The following MCC variants were observed in gnomAD, a reference collection of about 807,000 sequenced individuals.
MCC encodes MCC regulator of Wnt signaling pathway.
Under a neutral mutation model 116.2 loss-of-function variants are expected in MCC, and 90 were observed. The ratio of observed to expected loss-of-function variants is 0.77; its 90% CI spans 0.65 to 0.92. The LOEUF (loss-of-function observed/expected upper bound fraction) is 0.92, where lower values mean the gene tolerates loss of function less well. Among genes scored for constraint, MCC ranks in the 40% least tolerant of loss-of-function variants. MCC has a pLI of 0.00. For missense variants in MCC, 1,516 were observed against 1,312.2 expected, an observed-to-expected ratio of 1.16 and a Z score of -2.40; for synonymous variants, 578 against 510.5, an observed-to-expected ratio of 1.13 and a Z score of -1.78.
At chr5:113,421,601 ACAAGACCCTTTCGCT>A in intron 1 of MCC, among the ~76,000 whole-genome samples, 1 of 152,182 alleles carries the variant, frequency 6.6e-6, no homozygotes, top group Non-Finnish European at 1.5e-5. Flanking sequence ...GCTCACATTT[ACAAGACCCTTTCGCT>A]CATCTGGGTC....
chr5:113,402,083 C>T lies in MCC; in HGVS notation c.171-16871G>A, dbSNP rs1310248059. On this transcript the variant is annotated intron_variant, in intron 1 of 18. Coordinates refer to ENST00000408903, the MANE Select transcript of MCC (RefSeq NM_001085377.2). ...GCCGAGGCGGGTGGATCACGAGGTC[C>T]GGAGATCAAGACCACCCTGGCTAAC... Among the ~76,000 whole-genome samples the T allele has an allele frequency of 3.3e-5, 5 of 151,756 alleles. No homozygotes were observed. The South Asian group carries it at 8.4e-4, about 25-fold the overall frequency.
chr5:113,124,171 T>TA (rs1453978991), intron 5 of MCC, among the ~76,000 whole-genome samples: 2 of 152,206 alleles, frequency 1.3e-5, no homozygotes, highest in Admixed American at 6.5e-5. Flanking sequence ...AAATATGAAT[T>TA]AGAGAGTGGT....
intron 17 of MCC, among the ~76,000 whole-genome samples, chr5:113,033,778 A>T (rs909407074): frequency 6.6e-6 from 1 of 152,194 alleles, no homozygotes; most frequent in African/African-American, 2.4e-5. Flanking sequence ...GACTGTGACA[A>T]CTGAAGTCCC....
chr5:113,222,078 G>A (rs895531393), intron 3 of MCC, among the ~76,000 whole-genome samples: 9 of 152,180 alleles, frequency 5.9e-5, no homozygotes, highest in African/African-American at 2.2e-4. Flanking sequence ...GGTTGAGAAA[G>A]TTCCCTCTAT....
chr5:113,151,791 C>T (rs1759892282), intron 3 of MCC, among the ~76,000 whole-genome samples: 2 of 152,154 alleles, frequency 1.3e-5, no homozygotes, highest in South Asian at 4.1e-4. Flanking sequence ...AAATCAGAAC[C>T]ATATTAATTT....
chr5:113,175,152 A>G (rs963813509), intron 3 of MCC, among the ~76,000 whole-genome samples: 3 of 152,164 alleles, frequency 2.0e-5, no homozygotes, highest in African/African-American at 7.2e-5. Context: ...TTGTGCTTTG[A>G]AAGGAGAGGC....
rs539290835 is a variant in MCC at position 113,298,114 on chromosome 5, T to A, written c.627+42405A>T. On this transcript the variant is annotated intron_variant, in intron 3 of 18. Coordinates refer to ENST00000408903, the MANE Select transcript of MCC (RefSeq NM_001085377.2). ...AATAAAACCGTGAAATCAGGTAAAT[T>A]TGCCTAGGAAGAGAGGACAGTGAAA... 2.0e-5 allele frequency among the ~76,000 whole-genome samples: 3 copies of A among 152,290 alleles called. No individual in the cohort carries two copies. The East Asian group carries it at 5.8e-4, about 29-fold the overall frequency.
chr5:113,196,757 G>C (rs964067412), intron 3 of MCC, among the ~76,000 whole-genome samples: 1 of 152,190 alleles, frequency 6.6e-6, no homozygotes, highest in African/African-American at 2.4e-5. Flanking sequence ...GCTGAGGCAG[G>C]AGAATCGCTT....
intron 1 of MCC, among the ~76,000 whole-genome samples, chr5:113,463,923 G>A (rs1376892593): frequency 2.6e-5 from 4 of 152,156 alleles, no homozygotes; most frequent in Non-Finnish European, 4.4e-5. Context: ...GCCTGCAAAG[G>A]AGATAGAAAG....
At chr5:113,113,054 G>A (rs769846756) in intron 6 of MCC, among the ~76,000 whole-genome samples, 5 of 152,196 alleles carry the variant, frequency 3.3e-5, no homozygotes, top group Admixed American at 2.6e-4. Context: ...GTGGGCTATA[G>A]CAGGACTGGC....
intron 15 of MCC, among the ~76,000 whole-genome samples, chr5:113,052,367 A>G (rs1280285970): frequency 6.7e-6 from 1 of 148,636 alleles, no homozygotes. Context: ...ATAAGCAATG[A>G]GAGGTGGAAT....
chr5:113,043,601 C>G lies in MCC; in HGVS notation c.2685G>C (p.Leu895=), dbSNP rs1751874619. The change falls in exon 17 of 19, where the codon CTG becomes CTC. Residue 895 remains leucine, a synonymous_variant. Transcript: ENST00000408903. ...KECADAASPA[L]SLAELRTTCS... is the part of the protein sequence containing the mutation. ...ACGTTGTCCTGAGTTCGGCTAGGGA[C>G]AGAGCTGGGGAGGCAGCATCAGCAC... 1 of 1,614,054 alleles carries G rather than the reference C, an allele frequency of 6.2e-7. No homozygotes were observed. Among genetic ancestry groups the G allele is most frequent in the South Asian group, 1.1e-5 (1 of 91,080 alleles).
intron 1 of MCC, among the ~76,000 whole-genome samples, chr5:113,451,503 G>A (rs546882076): frequency 2.1e-4 from 32 of 152,322 alleles, no homozygotes; most frequent in African/African-American, 7.5e-4. Context: ...GGGAGGCCGA[G>A]GCGGGCGGAT....
At chr5:113,301,425 A>G (rs1005968503) in intron 3 of MCC, among the ~76,000 whole-genome samples, 6 of 152,070 alleles carry the variant, frequency 3.9e-5, no homozygotes, top group Non-Finnish European at 5.9e-5. Flanking sequence ...AGATCACGCC[A>G]TTGCACCCCA....
chr5:113,233,484 C>T (rs1446694418), intron 3 of MCC, among the ~76,000 whole-genome samples: 2 of 152,196 alleles, frequency 1.3e-5, no homozygotes, highest in African/African-American at 2.4e-5. Context: ...TTCCTTAAAA[C>T]TTGACAGATT....
chr5:113,062,461 T>G (rs1412567725), intron 14 of MCC, among the ~76,000 whole-genome samples: 1 of 152,210 alleles, frequency 6.6e-6, no homozygotes, highest in Non-Finnish European at 1.5e-5. Flanking sequence ...GAGCAAATGA[T>G]CCGTAGCACA....
At chr5:113,437,575 G>A (rs1255115211) in intron 1 of MCC, among the ~76,000 whole-genome samples, 2 of 152,160 alleles carry the variant, frequency 1.3e-5, no homozygotes, top group African/African-American at 4.8e-5. Flanking sequence ...GGCAACAGAT[G>A]ATACACATAC....
At chr5:113,071,434 A>G (rs1286382676) in intron 11 of MCC, among the ~76,000 whole-genome samples, 200 bp from the exon 12 acceptor site, 1 of 152,202 alleles carries the variant, frequency 6.6e-6, no homozygotes, top group East Asian at 1.9e-4. Context: ...ATAAAAAATA[A>G]GCCCCCTGGT....
intron 1 of MCC, among the ~76,000 whole-genome samples, chr5:113,485,862 T>C (rs575882288): frequency 1.8e-4 from 28 of 152,338 alleles, no homozygotes; most frequent in Non-Finnish European, 3.2e-4. Flanking sequence ...CGTCTTTAGA[T>C]GAATCCAAAG....
Sources: gnomAD v4.1 joint callset for allele counts (sites outside exome capture counted in the v4.1 genomes callset) on GRCh38, gnomAD v4.1.1 for gene constraint, MANE v1.5 for transcripts, NCBI Gene and HGNC (gene_info 2026-07-23, HGNC 2026-07-21) for gene names.